The following NTRK3 variants were observed in gnomAD, a reference collection of about 807,000 sequenced individuals.
NTRK3 encodes NT-3 growth factor receptor.
Under a neutral mutation model 91.7 loss-of-function variants are expected in NTRK3, and 24 were observed. That is an observed-to-expected ratio of 0.26 (90% CI 0.19 to 0.37). The LOEUF is 0.37. NTRK3 is among the 10% of genes least tolerant of loss of function. The probability of loss-of-function intolerance (pLI) is 1.00; values close to 1 mark genes in which losing one functional copy is unlikely to be tolerated. For synonymous variants in NTRK3, 483 were observed against 404.0 expected, an observed-to-expected ratio of 1.20 and a Z score of -2.34; for missense variants, 880 against 1,068.9, an observed-to-expected ratio of 0.82 and a Z score of 2.46.
At chr15:87,947,252 C>T (rs901912400) in intron 14 of NTRK3, among the ~76,000 whole-genome samples, 4 of 142,978 alleles carry the variant, frequency 2.8e-5, no homozygotes, top group South Asian at 2.3e-4. Flanking sequence ...CAGGTGGTTA[C>T]GTAACTTGCC....
chr15:88,084,794 G>C (rs1597212387), intron 13 of NTRK3, among the ~76,000 whole-genome samples: 1 of 152,130 alleles, frequency 6.6e-6, no homozygotes, highest in African/African-American at 2.4e-5. Flanking sequence ...TCTCATGCAG[G>C]CAACTCTACA....
intron 14 of NTRK3, among the ~76,000 whole-genome samples, chr15:88,021,586 ACTT>A (rs1361654302): frequency 2.9e-5 from 4 of 137,840 alleles, no homozygotes; most frequent in African/African-American, 1.1e-4. Context: ...TTACCATGAA[ACTT>A]TTTTTTTTTA....
chr15:87,878,653 G>A (rs1041485185), intron 18 of NTRK3, among the ~76,000 whole-genome samples: 8 of 152,334 alleles, frequency 5.3e-5, no homozygotes, highest in South Asian at 4.1e-4. Flanking sequence ...TGGAGAAACC[G>A]ATGATCAGAG....
At chr15:88,151,803 G>A (rs1327113832) in intron 5 of NTRK3, among the ~76,000 whole-genome samples, 1 of 152,182 alleles carries the variant, frequency 6.6e-6, no homozygotes, top group Non-Finnish European at 1.5e-5. Flanking sequence ...CTAATGGGCA[G>A]GTATGTCTTA....
chr15:88,125,935 C>T (rs1424640687), intron 13 of NTRK3, among the ~76,000 whole-genome samples: 1 of 152,216 alleles, frequency 6.6e-6, no homozygotes, highest in Non-Finnish European at 1.5e-5. Flanking sequence ...CCTTTACTCA[C>T]CCGTAATGAA....
intron 17 of NTRK3, chr15:87,908,684 T>C (rs1004840017): frequency 5.0e-6 from 2 of 396,312 alleles, no homozygotes; most frequent in Non-Finnish European, 8.9e-6. Context: ...GATCTTTAAC[T>C]GAATGGCGTG....
intron 6 of NTRK3, among the ~76,000 whole-genome samples, chr15:88,145,063 A>G (rs1259914993): frequency 6.6e-6 from 1 of 152,072 alleles, no homozygotes; most frequent in African/African-American, 2.4e-5. Context: ...CTGGAAATAC[A>G]CAACCCATCC....
At chr15:88,084,755 C>G (rs79249705) in intron 13 of NTRK3, among the ~76,000 whole-genome samples, 4,642 of 152,244 alleles carry the variant, frequency 0.03, 227 homozygotes, top group African/African-American at 0.1. Context: ...TAAATGAGTG[C>G]TCCATTTTCT....
chr15:88,236,892 T>C (rs144800407), intron 3 of NTRK3, among the ~76,000 whole-genome samples: 2,458 of 151,940 alleles, frequency 0.016, 32 homozygotes, highest in Middle Eastern at 0.044. Flanking sequence ...GGGAAGAATG[T>C]GGGGAACTTT....
intron 3 of NTRK3, among the ~76,000 whole-genome samples, chr15:88,202,093 C>A (rs1053627667): frequency 6.6e-6 from 1 of 152,144 alleles, no homozygotes; most frequent in Non-Finnish European, 1.5e-5. Flanking sequence ...TTAGGACCCC[C>A]AAACAGCTGT....
exon 19 of NTRK3, chr15:87,868,755 T>A (rs938523948): frequency 2.7e-5 from 6 of 223,278 alleles, no homozygotes; most frequent in African/African-American, 1.3e-4. Flanking sequence ...TGGCTCATTC[T>A]GGAGCCAACC....
intron 13 of NTRK3, among the ~76,000 whole-genome samples, chr15:88,122,718 G>GA: frequency 6.6e-6 from 1 of 152,144 alleles, no homozygotes; most frequent in East Asian, 1.9e-4. Context: ...CTGGCCCTCA[G>GA]ATGTGGATGG....
intron 17 of NTRK3, chr15:87,928,812 T>G: frequency 2.8e-6 from 1 of 352,344 alleles, no homozygotes; most frequent in Non-Finnish European, 5.2e-6. Flanking sequence ...GATCTGGGAC[T>G]GGGTAGGGAG....
chr15:88,133,761 C>G (rs969375129), intron 10 of NTRK3, among the ~76,000 whole-genome samples: 1 of 152,142 alleles, frequency 6.6e-6, no homozygotes, highest in Non-Finnish European at 1.5e-5. Flanking sequence ...GTCATGGGGG[C>G]TTTTACTGAG....
intron 14 of NTRK3, among the ~76,000 whole-genome samples, chr15:88,025,131 G>A (rs577614820): frequency 6.6e-5 from 10 of 152,284 alleles, no homozygotes; most frequent in East Asian, 3.9e-4. Flanking sequence ...GGAGACCCTC[G>A]GGCAGGAGCT....
intron 10 of NTRK3, among the ~76,000 whole-genome samples, chr15:88,132,364 A>G (rs1014674416): frequency 6.6e-6 from 1 of 152,208 alleles, no homozygotes; most frequent in Non-Finnish European, 1.5e-5. Flanking sequence ...GGTAGCTTAG[A>G]TGGGAGATAT....
intron 14 of NTRK3, among the ~76,000 whole-genome samples, chr15:87,941,681 G>A (rs1388870055): frequency 6.6e-6 from 1 of 152,206 alleles, no homozygotes; most frequent in Admixed American, 6.5e-5. Flanking sequence ...GTCCATCCAA[G>A]AACGAGGGTG....
At chr15:87,983,648 G>C (rs1264643912) in intron 14 of NTRK3, among the ~76,000 whole-genome samples, 1 of 152,150 alleles carries the variant, frequency 6.6e-6, no homozygotes, top group Non-Finnish European at 1.5e-5. Context: ...TCACTTTGTG[G>C]CAAAGTCTAA....
intron 17 of NTRK3, among the ~76,000 whole-genome samples, chr15:87,924,878 T>C (rs1262726845): frequency 3.9e-5 from 6 of 152,186 alleles, no homozygotes; most frequent in African/African-American, 1.4e-4. Context: ...CCTGGAGCTC[T>C]ACATTAGTAG....
Sources: gnomAD v4.1 joint callset for allele counts (sites outside exome capture counted in the v4.1 genomes callset) on GRCh38, gnomAD v4.1.1 for gene constraint, MANE v1.5 for transcripts, NCBI Gene and HGNC (gene_info 2026-07-23, HGNC 2026-07-21) for gene names.